Variants in KIF5B observed in about 807,000 individuals in gnomAD.
KIF5B encodes the protein kinesin family member 5B, also known as kinesin-1 heavy chain.
In KIF5B, 49 loss-of-function variants were observed where a neutral mutation model predicts 132.8. That is an observed-to-expected ratio of 0.37 (90% confidence interval 0.29 to 0.47). KIF5B has a LOEUF of 0.47. Among genes scored for constraint, KIF5B ranks in the 20% least tolerant of loss-of-function variants. The pLI is 1.00. For missense variants in KIF5B, 780 were observed against 1,144.0 expected, an observed-to-expected ratio of 0.68 and a Z score of 4.59; for synonymous variants, 355 against 369.4, an observed-to-expected ratio of 0.96 and a Z score of 0.45.
rs919440649 is a variant in KIF5B, at chr10:32,009,317, A to G, written c.*2220T>C. ...AGTTTCTCTTCTGAACCATCTATCA[A>G]TGCCATTCAGAGGAACGTTAATATA... is the stretch of plus-strand genomic sequence containing the variant. On this transcript the variant is annotated 3_prime_UTR_variant, in exon 26 of 26. Transcript: ENST00000302418. 2 of 152,180 alleles carry G rather than the reference A, an allele frequency of 1.3e-5. No individual in the cohort carries two copies. Among genetic ancestry groups the G allele is most frequent in the Admixed American group, 1.3e-4 (2 of 15,266 alleles). 9.4% of individuals were successfully genotyped at this position (152,180 alleles called of 1,614,324 possible).
rs748567492 is a variant in KIF5B, at chr10:32,033,869, T to C, written c.1281A>G (p.Lys427=). Residue 427 remains lysine (K), a synonymous_variant, in exon 12 of 26, where the codon AAA becomes AAG. Coordinates refer to ENST00000302418, the MANE Select transcript of KIF5B (RefSeq NM_004521.3). ...CCTTGTCATCAAGCTGTTTGTATAATTTAGCAATTTCTTCTTCACACTTTC... is the reference window on the plus strand; with the variant it reads ...CCTTGTCATCAAGCTGTTTGTATAACTTAGCAATTTCTTCTTCACACTTTC... The part of the protein sequence containing the change: ...ERRKCEEEIA[K]LYKQLDDKDE... 1.2e-6 allele frequency: 2 copies of C among 1,612,694 alleles called. No individual in the cohort carries two copies. The highest frequency in any genetic ancestry group is 1.7e-6 in the Non-Finnish European group (2 of 1,179,334).
intron 1 of KIF5B, among the ~76,000 whole-genome samples, chr10:32,049,418 T>C (rs1193315856): frequency 1.3e-5 from 2 of 152,044 alleles, no homozygotes; most frequent in Non-Finnish European, 2.9e-5. Flanking sequence ...AGCAACTAAC[T>C]CATCATCACT....
intron 2 of KIF5B, among the ~76,000 whole-genome samples, chr10:32,043,627 T>C (rs1158443483): frequency 6.6e-6 from 1 of 152,140 alleles, no homozygotes; most frequent in East Asian, 1.9e-4. Flanking sequence ...AATGAATAAA[T>C]AGCTACTTAA....
At chr10:32,051,437 A>G (rs778652767) in intron 1 of KIF5B, among the ~76,000 whole-genome samples, 1 of 152,216 alleles carries the variant, frequency 6.6e-6, no homozygotes, top group Non-Finnish European at 1.5e-5. Context: ...AAACAGCTTC[A>G]TAATAGTAAA....
At chr10:32,043,564 G>GA (rs1359050452) in intron 2 of KIF5B, among the ~76,000 whole-genome samples, 1 of 152,098 alleles carries the variant, frequency 6.6e-6, no homozygotes, top group Non-Finnish European at 1.5e-5. Context: ...AGCCATGGTG[G>GA]AAAAAACAGG....
At chr10:32,048,326 A>T in intron 2 of KIF5B, 138 bp downstream of exon 2, 1 of 585,858 alleles carries the variant, frequency 1.7e-6, no homozygotes, top group Non-Finnish European at 3.0e-6. Context: ...TGACCTTTTT[A>T]TTATTTAAAC....
chr10:32,018,406 A>G lies in KIF5B; in HGVS notation c.2368-19T>C. 1 of 1,567,046 alleles carries G rather than the reference A, an allele frequency of 6.4e-7. No individual in the cohort carries two copies. The highest frequency in any genetic ancestry group is 2.2e-5 in the East Asian group (1 of 44,454). The stretch of plus-strand genomic sequence containing the variant: ...CTTTTGCCTTGGATTAAGAACAGCG[A>G]TATTTTTGGAGCTCAGACTTTAAAT... On this transcript the variant is annotated intron_variant, in intron 21 of 25. Coordinates refer to ENST00000302418, the MANE Select transcript of KIF5B (RefSeq NM_004521.3).
At chr10:32,055,183 CAAA>C (rs879933975) in intron 1 of KIF5B, among the ~76,000 whole-genome samples, 1 of 138,138 alleles carries the variant, frequency 7.2e-6, no homozygotes. Context: ...CATCCTGTTT[CAAA>C]AAAAAAAAAG....
chr10:32,052,830 C>A (rs936351536), intron 1 of KIF5B, among the ~76,000 whole-genome samples: 53 of 152,236 alleles, frequency 3.5e-4, no homozygotes, highest in African/African-American at 1.3e-3. Context: ...AAAATAAATT[C>A]TGTATTAAAG....
At chr10:32,024,534 C>T (rs556182958) in intron 15 of KIF5B, among the ~76,000 whole-genome samples, 21 of 151,406 alleles carry the variant, frequency 1.4e-4, no homozygotes, top group Non-Finnish European at 2.7e-4. Context: ...GAGGCTGACG[C>T]GGGCAGATCA....
At chr10:32,024,450 G>A (rs569758128) in intron 15 of KIF5B, among the ~76,000 whole-genome samples, 8 of 147,962 alleles carry the variant, frequency 5.4e-5, no homozygotes, top group Non-Finnish European at 1.0e-4. Flanking sequence ...CACCGCGCCC[G>A]GCCGAAGAAC....
intron 1 of KIF5B, among the ~76,000 whole-genome samples, chr10:32,049,262 A>G (rs954522190): frequency 2.0e-5 from 3 of 152,232 alleles, no homozygotes; most frequent in Non-Finnish European, 4.4e-5. Context: ...ACATTAAAAA[A>G]TTAAGTGACC....
At chr10:32,031,357 C>A (rs1317340002) in intron 13 of KIF5B, 78 bp from the exon 14 acceptor site, 3 of 1,090,752 alleles carry the variant, frequency 2.8e-6, no homozygotes, top group South Asian at 2.7e-5. Flanking sequence ...CACCATTTGT[C>A]AAGAACAAAT....
At position 32,028,517 on chromosome 10, in the gene KIF5B, G is replaced by A. The variant is rs1416192002; in HGVS notation, c.1636C>T (p.His546Tyr). 2.5e-6 allele frequency: 4 copies of A among 1,613,612 alleles called. No individual in the cohort carries two copies. The South Asian group carries it at 3.3e-5, about 13-fold the overall frequency. The change falls in exon 15 of 26, where the codon CAC (histidine) becomes TAC (tyrosine). Residue 546 changes from histidine (H) to tyrosine (Y), a missense_variant. His to Tyr is a moderately conservative substitution (Grantham distance 83). Around this residue, in one of 9 missense-constraint regions of KIF5B, gnomAD observed 471 missense variants for 569.9 expected, o/e 0.83. Coordinates refer to ENST00000302418, the MANE Select transcript of KIF5B (RefSeq NM_004521.3). ...ELQKLKEMTN[H>Y]QKKRAAEMMA... Reference sequence around the variant, plus strand: ...ATCTCAGCTGCTCGTTTTTTCTGGTGGTTGGTCATTTCCTTAAGTTTCTGA... The same window carrying A: ...ATCTCAGCTGCTCGTTTTTTCTGGTAGTTGGTCATTTCCTTAAGTTTCTGA...
At chr10:32,039,077 C>T (rs1434867987) in intron 4 of KIF5B, among the ~76,000 whole-genome samples, 1 of 152,144 alleles carries the variant, frequency 6.6e-6, no homozygotes, top group African/African-American at 2.4e-5. Flanking sequence ...TAGAAACCTT[C>T]AAGTTCTGCA....
intron 1 of KIF5B, among the ~76,000 whole-genome samples, chr10:32,054,172 C>T (rs893787444): frequency 2.6e-5 from 4 of 152,214 alleles, no homozygotes; most frequent in Non-Finnish European, 5.9e-5. Context: ...CCAACCACTG[C>T]AGAAGCTGAG....
chr10:32,048,440 A>G (rs773145113), intron 2 of KIF5B, 24 bp downstream of exon 2: 1 of 1,468,312 alleles, frequency 6.8e-7, no homozygotes, highest in Non-Finnish European at 9.4e-7. Context: ...TGCTGAGACA[A>G]CTCAGCAGGT....
At chr10:32,045,438 AG>A (rs1472114646) in intron 2 of KIF5B, among the ~76,000 whole-genome samples, 2 of 152,230 alleles carry the variant, frequency 1.3e-5, no homozygotes, top group African/African-American at 4.8e-5. Flanking sequence ...ACAGAACAAC[AG>A]AATAAACATT....
intron 24 of KIF5B, among the ~76,000 whole-genome samples, chr10:32,015,956 C>A (rs560051372): frequency 1.3e-5 from 2 of 151,954 alleles, no homozygotes; most frequent in South Asian, 2.1e-4. Flanking sequence ...CCAGACTAGG[C>A]AATAAGGCAA....
Sources: gnomAD v4.1 joint callset for allele counts (sites outside exome capture counted in the v4.1 genomes callset) on GRCh38, gnomAD v4.1.1 for gene constraint, gnomAD v4.1.1 regional missense constraint, MANE v1.5 for transcripts, NCBI Gene and HGNC (gene_info 2026-07-23, HGNC 2026-07-21) for gene names.